Variants in MYO9B observed in about 807,000 individuals in gnomAD.
MYO9B encodes the protein myosin IXB.
MYO9B carries 71 observed loss-of-function variants against 229.5 expected under a neutral mutation model. The ratio of observed to expected loss-of-function variants is 0.31; its 90% CI spans 0.26 to 0.38. MYO9B has a LOEUF of 0.38. Ranked by LOEUF, MYO9B falls within the 10% of genes least tolerant of loss-of-function variation. The pLI is 1.00. For synonymous variants in MYO9B, 1,185 were observed against 1,235.8 expected (o/e 0.96, Z 0.86); for missense variants, 2,255 against 2,920.5 (o/e 0.77, Z 5.25).
rs2072325447 is a variant in MYO9B at position 17,140,524 on chromosome 19, T to C, written c.841-4873T>C. ...TTTTTTTTGAGATGGAGTTCACTCT[T>C]ATTGCCCAGGCTGGAGTGCAATGGC... On this transcript the variant is annotated intron_variant, in intron 2 of 39. Coordinates refer to ENST00000682292, the MANE Select transcript of MYO9B (RefSeq NM_004145.4). Among the ~76,000 whole-genome samples, 3 of 151,706 alleles carry C rather than the reference T, an allele frequency of 2.0e-5. No homozygotes were observed. In the South Asian group the frequency reaches 6.2e-4, roughly 32 times the overall value.
intron 1 of MYO9B, among the ~76,000 whole-genome samples, chr19:17,092,720 G>A (rs550935052): frequency 9.2e-4 from 73 of 79,300 alleles, no homozygotes; most frequent in Non-Finnish European, 3.4e-4. Context: ...GCAAGGCTCC[G>A]TCAAAAAAAA....
intron 1 of MYO9B, among the ~76,000 whole-genome samples, chr19:17,083,321 C>T (rs2057552139): frequency 6.6e-6 from 1 of 152,084 alleles, no homozygotes; most frequent in African/African-American, 2.4e-5. Flanking sequence ...TGAGCCACCA[C>T]GCCCAGCCAC....
chr19:17,170,858 G>A (rs192309359), intron 11 of MYO9B, among the ~76,000 whole-genome samples: 10 of 143,714 alleles, frequency 7.0e-5, no homozygotes, highest in African/African-American at 2.0e-4. Flanking sequence ...AAGTAGAGAC[G>A]GCAGTAGGAG....
chr19:17,159,576 G>T, intron 8 of MYO9B, 92 bp downstream of exon 8: 2 of 1,115,432 alleles, frequency 1.8e-6, no homozygotes, highest in Non-Finnish European at 2.6e-6. Context: ...GGGCTGTTCT[G>T]TCCCTGAATG....
chr19:17,179,133 T>G lies in MYO9B; in HGVS notation c.2220-1794T>G, dbSNP rs1028937708. Among the ~76,000 whole-genome samples the G allele has an allele frequency of 2.6e-3, 386 of 151,218 alleles. 8 individuals are homozygous for G. The highest frequency in any genetic ancestry group is 2.3e-3 in the Non-Finnish European group (153 of 67,846). On this transcript the variant is annotated intron_variant, in intron 14 of 39. Coordinates refer to ENST00000682292, the MANE Select transcript of MYO9B (RefSeq NM_004145.4). ...GTAGACTGTAGGGTGTTGAGCAGCA[T>G]CCCTGGCCTCCACCCACCAGATGCC...
rs780815899 is a variant in MYO9B, at chr19:17,202,123, C to G, written c.4663-7C>G. 3 of 1,613,312 alleles carry G rather than the reference C, an allele frequency of 1.9e-6. No homozygotes were observed. Among genetic ancestry groups the G allele is most frequent in the African/African-American group, 1.3e-5 (1 of 75,030 alleles). ...GGCCTGCAGGGTGACGCCTAGCATTCCTACAGAACGGGAAGATCCACGTGG... is the reference window on the plus strand; with the variant it reads ...GGCCTGCAGGGTGACGCCTAGCATTGCTACAGAACGGGAAGATCCACGTGG... On this transcript the variant is annotated splice_region_variant and splice_polypyrimidine_tract_variant and intron_variant, in intron 27 of 39. Transcript: ENST00000682292.
intron 8 of MYO9B, among the ~76,000 whole-genome samples, chr19:17,161,095 C>T (rs541850200): frequency 1.1e-4 from 17 of 152,214 alleles, no homozygotes; most frequent in South Asian, 4.1e-4. Context: ...CCACCACGTC[C>T]GGCCACAAAA....
intron 7 of MYO9B, among the ~76,000 whole-genome samples, chr19:17,158,815 G>A (rs1242559568): frequency 2.6e-5 from 4 of 152,212 alleles, no homozygotes; most frequent in Non-Finnish European, 4.4e-5. Flanking sequence ...CATAAGGCCT[G>A]TACATACACA....
Position 17,183,810 on chromosome 19 carries a change from A to G in MYO9B, c.2334-19A>G, listed in dbSNP as rs2072887645. 6.4e-7 allele frequency: 1 copy of G among 1,552,790 alleles called. No homozygotes were observed. Among genetic ancestry groups the G allele is most frequent in the Non-Finnish European group, 8.7e-7 (1 of 1,151,640 alleles). On this transcript the variant is annotated intron_variant, in intron 15 of 39. Coordinates refer to ENST00000682292, the MANE Select transcript of MYO9B (RefSeq NM_004145.4). ...CTGTGTTCCTTTTGTTCACAAAACC[A>G]TTTTTAATATTTTGACAGGAAAAGT...
chr19:17,115,765 C>T (rs1294562681), intron 2 of MYO9B, among the ~76,000 whole-genome samples: 4 of 151,948 alleles, frequency 2.6e-5, no homozygotes, highest in South Asian at 2.1e-4. Context: ...CCACTGCACC[C>T]GGCCCCCAGG....
intron 2 of MYO9B, among the ~76,000 whole-genome samples, chr19:17,143,457 A>G (rs2072367616): frequency 6.6e-6 from 1 of 152,164 alleles, no homozygotes; most frequent in African/African-American, 2.4e-5. Context: ...TAGAAGCTCC[A>G]TCCTCGCTGG....
At chr19:17,076,189 T>G (rs1407557435) in intron 1 of MYO9B, among the ~76,000 whole-genome samples, 2 of 125,376 alleles carry the variant, frequency 1.6e-5, no homozygotes, top group Non-Finnish European at 1.7e-5. Flanking sequence ...AACGGCGTTG[T>G]GGGGAGGCAC....
intron 1 of MYO9B, among the ~76,000 whole-genome samples, chr19:17,082,550 G>A (rs1015752301): frequency 2.0e-5 from 3 of 152,110 alleles, no homozygotes; most frequent in African/African-American, 7.2e-5. Flanking sequence ...GGGGGCAGGA[G>A]GGTGACATTT....
chr19:17,106,535 G>A (rs1046445019), intron 2 of MYO9B, among the ~76,000 whole-genome samples: 2 of 152,224 alleles, frequency 1.3e-5, no homozygotes, highest in African/African-American at 4.8e-5. Flanking sequence ...AACTGCCAGT[G>A]GCCCCAGTGT....
chr19:17,146,043 A>G (rs1290971701), intron 3 of MYO9B, among the ~76,000 whole-genome samples: 2 of 151,880 alleles, frequency 1.3e-5, no homozygotes, highest in Non-Finnish European at 2.9e-5. Flanking sequence ...AGACAGATTT[A>G]TGGATGGATG....
intron 1 of MYO9B, among the ~76,000 whole-genome samples, chr19:17,076,365 G>A (rs1331826538): frequency 6.6e-6 from 1 of 152,032 alleles, no homozygotes; most frequent in African/African-American, 2.4e-5. Flanking sequence ...CCCAGTGGGC[G>A]CTCAGTAAAT....
At chr19:17,148,629 G>A (rs2072442485) in intron 3 of MYO9B, among the ~76,000 whole-genome samples, 1 of 152,134 alleles carries the variant, frequency 6.6e-6, no homozygotes. Context: ...TGTCGCCCAG[G>A]CTGGAGTGCA....
intron 2 of MYO9B, among the ~76,000 whole-genome samples, chr19:17,134,740 G>A (rs145700213): frequency 1.3e-3 from 194 of 151,828 alleles, no homozygotes; most frequent in African/African-American, 4.5e-3. Context: ...ATAAACCACA[G>A]TTTCTTTATC....
intron 3 of MYO9B, among the ~76,000 whole-genome samples, chr19:17,148,692 T>C (rs1456062835): frequency 6.6e-6 from 1 of 152,200 alleles, no homozygotes; most frequent in Non-Finnish European, 1.5e-5. Context: ...CAAGCAATTC[T>C]TGTGCCTCAG....
Sources: gnomAD v4.1 joint callset for allele counts (sites outside exome capture counted in the v4.1 genomes callset) on GRCh38, gnomAD v4.1.1 for gene constraint, MANE v1.5 for transcripts, NCBI Gene and HGNC (gene_info 2026-07-23, HGNC 2026-07-21) for gene names.